ABCB11: variants seen among roughly 807,000 people sequenced by gnomAD.
ABCB11 encodes ATP binding cassette subfamily B member 11.
ABCB11 carries 95 observed loss-of-function variants against 148.0 expected under a neutral mutation model. That is an observed-to-expected ratio of 0.64 (90% CI 0.54 to 0.76). ABCB11 has a LOEUF of 0.76. Ranked by LOEUF, ABCB11 falls within the 30% of genes least tolerant of loss-of-function variation. The pLI is 0.00. For missense variants in ABCB11, 1,523 were observed against 1,617.8 expected (o/e 0.94, Z 1.01); for synonymous variants, 591 against 555.4 (o/e 1.06, Z -0.90).
intron 9 of ABCB11, among the ~76,000 whole-genome samples, 171 bp from the exon 10 acceptor site, chr2:168,986,455 G>A (rs1288645454): frequency 6.6e-6 from 1 of 152,068 alleles, no homozygotes; most frequent in East Asian, 1.9e-4. Context: ...TTTAAAGTTT[G>A]TTTTAACCTG....
At chr2:168,969,216 T>C in intron 16 of ABCB11, 134 bp downstream of exon 16, 1 of 787,232 alleles carries the variant, frequency 1.3e-6, no homozygotes, top group Non-Finnish European at 2.0e-6. Flanking sequence ...CTTCAGTTGT[T>C]TCCTTTACCA....
chr2:168,939,958 G>A (rs751787287), intron 21 of ABCB11, among the ~76,000 whole-genome samples: 9 of 151,998 alleles, frequency 5.9e-5, no homozygotes, highest in Non-Finnish European at 1.2e-4. Context: ...CACGAACCAC[G>A]CCAATATAAG....
chr2:168,983,107 T>C (rs190279849), intron 10 of ABCB11, among the ~76,000 whole-genome samples: 90 of 152,312 alleles, frequency 5.9e-4, no homozygotes, highest in African/African-American at 2.1e-3. Context: ...AAGGGATTTT[T>C]ATTCAAGTGC....
At chr2:168,931,401 A>G (rs1037317157) in intron 24 of ABCB11, among the ~76,000 whole-genome samples, 1 of 152,238 alleles carries the variant, frequency 6.6e-6, no homozygotes, top group Admixed American at 6.5e-5. Context: ...GAACTGAAGG[A>G]GAAATTTTAC....
At chr2:169,026,247 T>C (rs907095433) in intron 1 of ABCB11, among the ~76,000 whole-genome samples, 14 of 152,136 alleles carry the variant, frequency 9.2e-5, no homozygotes, top group Non-Finnish European at 1.6e-4. Context: ...GTTTGTTTTC[T>C]TTGTTTGTTT....
chr2:168,939,113 G>T (rs1691958827), intron 21 of ABCB11, among the ~76,000 whole-genome samples: 1 of 151,702 alleles, frequency 6.6e-6, no homozygotes, highest in Admixed American at 6.6e-5. Context: ...GTAGTTTCCA[G>T]GGAATTTTAT....
intron 26 of ABCB11, among the ~76,000 whole-genome samples, chr2:168,925,591 G>A (rs1227486273): frequency 1.3e-5 from 2 of 152,208 alleles, no homozygotes; most frequent in Admixed American, 1.3e-4. Context: ...GTAACAAGCA[G>A]TGAAAGTGAA....
chr2:168,927,607 C>T (rs893887430), intron 25 of ABCB11, among the ~76,000 whole-genome samples: 2 of 152,146 alleles, frequency 1.3e-5, no homozygotes, highest in African/African-American at 4.8e-5. Flanking sequence ...TCTGGCTCTA[C>T]AGGTGGGGCA....
At chr2:168,935,046 T>G in intron 23 of ABCB11, 138 bp downstream of exon 23, 1 of 1,281,036 alleles carries the variant, frequency 7.8e-7, no homozygotes, top group Non-Finnish European at 1.1e-6. Context: ...CACAGAATCT[T>G]GAGAAATAAT....
intron 10 of ABCB11, 141 bp downstream of exon 10, chr2:168,985,969 T>C (rs531861162): frequency 3.4e-5 from 25 of 727,548 alleles, no homozygotes; most frequent in Non-Finnish European, 5.1e-5. Context: ...AAGGTATTAC[T>C]TGTTTCCACA....
At chr2:168,994,073 G>A (rs1694635061) in intron 7 of ABCB11, among the ~76,000 whole-genome samples, 191 bp from the exon 8 acceptor site, 1 of 152,010 alleles carries the variant, frequency 6.6e-6, no homozygotes. Context: ...TTTCCTGATA[G>A]CCAATCAATT....
At chr2:168,996,115 A>G (rs1234482184) in intron 6 of ABCB11, among the ~76,000 whole-genome samples, 2 of 152,006 alleles carry the variant, frequency 1.3e-5, no homozygotes, top group Non-Finnish European at 1.5e-5. Flanking sequence ...TTTTCTACAA[A>G]AGAAGGCAAA....
chr2:168,990,901 C>T lies in ABCB11; in HGVS notation c.808G>A (p.Glu270Lys). 6.2e-7 allele frequency: 1 copy of T among 1,612,964 alleles called. No individual in the cohort carries two copies. Among genetic ancestry groups the T allele is most frequent in the Non-Finnish European group, 8.5e-7 (1 of 1,179,284 alleles). Residue 270 changes from glutamate to lysine, a missense_variant, in exon 9 of 28, where the codon GAG (glutamate) becomes AAG (lysine). By Grantham distance (56) the Glu-to-Lys change is moderately conservative. Coordinates refer to ENST00000650372, the MANE Select transcript of ABCB11 (RefSeq NM_003742.4). ...CCTGCTTTGGCATAGGCCTTCAGCT[C>T]ATAGTCCGTAAACTTGGACACACTC... ...GLSVSKFTDY[E>K]LKAYAKAGVV...
At chr2:168,935,103 C>A in intron 23 of ABCB11, 81 bp downstream of exon 23, 1 of 1,555,760 alleles carries the variant, frequency 6.4e-7, no homozygotes, top group Non-Finnish European at 8.8e-7. Flanking sequence ...GTTTGCTAAG[C>A]AGCAAAAAGC....
intron 1 of ABCB11, among the ~76,000 whole-genome samples, chr2:169,019,873 A>T (rs1393692340): frequency 6.6e-6 from 1 of 152,212 alleles, no homozygotes; most frequent in Non-Finnish European, 1.5e-5. Context: ...GAGCCAAAAA[A>T]TTATTCAGCA....
At chr2:169,011,203 A>G (rs1338744993) in intron 5 of ABCB11, among the ~76,000 whole-genome samples, 2 of 152,200 alleles carry the variant, frequency 1.3e-5, no homozygotes, top group Non-Finnish European at 2.9e-5. Flanking sequence ...TTAAGGCATG[A>G]TAAGATATAC....
At chr2:168,961,717 G>T (rs1228409746) in intron 18 of ABCB11, among the ~76,000 whole-genome samples, 2 of 151,712 alleles carry the variant, frequency 1.3e-5, no homozygotes, top group African/African-American at 4.8e-5. Context: ...GGATAAATGG[G>T]TATAGTCTCA....
chr2:168,935,023 C>T (rs566005966), intron 23 of ABCB11, among the ~76,000 whole-genome samples, 161 bp downstream of exon 23: 6 of 152,314 alleles, frequency 3.9e-5, no homozygotes, highest in South Asian at 4.1e-4. Context: ...TCAGAAGAAC[C>T]GCCCTGATGA....
chr2:168,995,975 TA>T lies in ABCB11; in HGVS notation c.478-494del, dbSNP rs3083997. On this transcript the variant is annotated intron_variant, in intron 6 of 27. Transcript: ENST00000650372. Reference sequence around the variant, plus strand: ...AATCTGCTGATAGATTTTCCCTAACTAAAAAAAAAAAAAAAAAAAAAAAAGC... The same window carrying T: ...AATCTGCTGATAGATTTTCCCTAACTAAAAAAAAAAAAAAAAAAAAAAAGC... 0.017 allele frequency among the ~76,000 whole-genome samples: 1,096 copies of T among 62,998 alleles called. 40 individuals are homozygous for T. In the East Asian group the frequency reaches 0.3, roughly 17 times the overall value. 41.3% of individuals were successfully genotyped at this position (62,998 alleles called of 152,430 possible).
Sources: gnomAD v4.1 joint callset for allele counts (sites outside exome capture counted in the v4.1 genomes callset) on GRCh38, gnomAD v4.1.1 for gene constraint, MANE v1.5 for transcripts, NCBI Gene and HGNC (gene_info 2026-07-23, HGNC 2026-07-21) for gene names.